The following GPHN variants were observed in gnomAD, a reference collection of about 807,000 sequenced individuals.
GPHN encodes gephyrin.
GPHN carries 17 observed loss-of-function variants against 95.5 expected under a neutral mutation model. The ratio of observed to expected loss-of-function variants is 0.18; its 90% confidence interval spans 0.12 to 0.27. GPHN has a LOEUF of 0.27. Among genes scored for constraint, GPHN ranks in the 10% least tolerant of loss-of-function variants. The probability of loss-of-function intolerance (pLI) is 1.00; values close to 1 mark genes in which losing one functional copy is unlikely to be tolerated. For missense variants in GPHN, 660 were observed against 978.1 expected (o/e 0.67, Z 4.34); for synonymous variants, 320 against 322.5 (o/e 0.99, Z 0.08).
At chr14:67,382,299 G>T in the GPHN span, 77 of 595,312 alleles carry the variant, frequency 1.3e-4, no homozygotes, top group Non-Finnish European at 2.0e-4. Context: ...TGCCAATTCT[G>T]TAGGACCCTA....
chr14:67,491,755 G>C, the GPHN span, among the ~76,000 whole-genome samples: 27 of 152,168 alleles, frequency 1.8e-4, no homozygotes, highest in African/African-American at 6.0e-4. Flanking sequence ...GAAAAGCCCT[G>C]AGCACAAATG....
chr14:67,185,637 G>C (rs115193410), downstream of GPHN, among the ~76,000 whole-genome samples: 1,493 of 152,046 alleles, frequency 9.8e-3, 16 homozygotes, highest in African/African-American at 0.03. Context: ...TCTATGTTTG[G>C]TTGTTTCAAA....
chr14:67,109,021 T>C (rs2078211133), intron 13 of GPHN, among the ~76,000 whole-genome samples: 1 of 152,118 alleles, frequency 6.6e-6, no homozygotes, highest in Non-Finnish European at 1.5e-5. Flanking sequence ...AGTAGCCCAC[T>C]ACACACCTAG....
chr14:67,690,811 T>C, the GPHN span: 2 of 369,088 alleles, frequency 5.4e-6, no homozygotes, highest in Non-Finnish European at 9.9e-6. Context: ...AGCAAGACCC[T>C]GTCTTTACAA....
chr14:67,432,364 C>T, the GPHN span, among the ~76,000 whole-genome samples: 7 of 152,216 alleles, frequency 4.6e-5, no homozygotes, highest in Admixed American at 2.6e-4. Flanking sequence ...CCTTGGCGAA[C>T]GAGCCCTGGT....
intron 12 of GPHN, among the ~76,000 whole-genome samples, chr14:67,094,489 C>T (rs898197586): frequency 2.0e-5 from 3 of 152,088 alleles, no homozygotes; most frequent in African/African-American, 7.2e-5. Flanking sequence ...ACAAGGGAAA[C>T]AATTCTAAAT....
chr14:67,232,892 C>A, the GPHN span, among the ~76,000 whole-genome samples: 8 of 152,140 alleles, frequency 5.3e-5, no homozygotes, highest in African/African-American at 1.2e-4. Flanking sequence ...GGCCATGAGG[C>A]CTGAAAGCTT....
intron 8 of GPHN, among the ~76,000 whole-genome samples, chr14:66,961,089 C>T (rs1007110381): frequency 1.3e-5 from 2 of 151,982 alleles, no homozygotes; most frequent in African/African-American, 2.4e-5. Flanking sequence ...GATATTTCAA[C>T]ACAAAAAAAC....
At chr14:67,348,247 T>C in the GPHN span, among the ~76,000 whole-genome samples, 2 of 151,830 alleles carry the variant, frequency 1.3e-5, no homozygotes, top group African/African-American at 4.8e-5. Flanking sequence ...GCTTATTTTG[T>C]ATTTTTAGTA....
At chr14:66,580,901 G>A (rs1436651076) in intron 1 of GPHN, among the ~76,000 whole-genome samples, 1 of 151,700 alleles carries the variant, frequency 6.6e-6, no homozygotes. Flanking sequence ...GATGAAGATA[G>A]ATGCAGAAAT....
At chr14:67,144,250 A>AAAT (rs1168342196) in intron 18 of GPHN, among the ~76,000 whole-genome samples, 167 of 57,756 alleles carry the variant, frequency 2.9e-3, no homozygotes, top group Non-Finnish European at 3.8e-3. Context: ...AAAAAAAAAA[A>AAAT]ATATATATAT....
chr14:67,193,002 A>ATATCAATATCTAGATATAGATATATCTC, the GPHN span, among the ~76,000 whole-genome samples: 133 of 146,112 alleles, frequency 9.1e-4, no homozygotes, highest in African/African-American at 1.8e-3. Context: ...ATATCTCTAT[A>ATATCAATATCTAGATATAGATATATCTC]TATCAATATC....
the GPHN span, among the ~76,000 whole-genome samples, chr14:67,200,883 C>T: frequency 2.6e-5 from 4 of 152,186 alleles, no homozygotes; most frequent in Admixed American, 6.5e-5. Flanking sequence ...ATAGGTCAGA[C>T]GTTGCCCCCA....
intron 1 of GPHN, among the ~76,000 whole-genome samples, chr14:66,622,909 C>T (rs1453715393): frequency 6.6e-6 from 1 of 152,154 alleles, no homozygotes; most frequent in Non-Finnish European, 1.5e-5. Context: ...CAAACTGTCC[C>T]AATCTCTGCC....
chr14:66,620,110 A>T (rs1318130508), intron 1 of GPHN, among the ~76,000 whole-genome samples: 2 of 152,136 alleles, frequency 1.3e-5, no homozygotes, highest in Admixed American at 6.6e-5. Flanking sequence ...CAAGCTGCCT[A>T]AATGGTTCTC....
intron 9 of GPHN, among the ~76,000 whole-genome samples, chr14:66,993,120 T>C (rs1162817165): frequency 3.3e-5 from 5 of 152,178 alleles, no homozygotes; most frequent in African/African-American, 2.4e-5. Context: ...TTTCTGAGGA[T>C]GGTTTCAGAT....
At chr14:66,666,426 T>A (rs1051265808) in intron 1 of GPHN, among the ~76,000 whole-genome samples, 82 of 151,286 alleles carry the variant, frequency 5.4e-4, no homozygotes, top group African/African-American at 1.9e-3. Flanking sequence ...AAAAAAAGCT[T>A]GTCCACCAGA....
At chr14:67,675,949 T>C in the GPHN span, among the ~76,000 whole-genome samples, 1 of 151,776 alleles carries the variant, frequency 6.6e-6, no homozygotes, top group Non-Finnish European at 1.5e-5. Context: ...ACACAAAAAT[T>C]AGCCAAGCGT....
chr14:67,386,704 T>G, the GPHN span, among the ~76,000 whole-genome samples: 1 of 152,230 alleles, frequency 6.6e-6, no homozygotes, highest in Non-Finnish European at 1.5e-5. Context: ...CCATTTTTCA[T>G]AGAAAAGCTA....
Sources: gnomAD v4.1 joint callset for allele counts (sites outside exome capture counted in the v4.1 genomes callset) on GRCh38, gnomAD v4.1.1 for gene constraint, MANE v1.5 for transcripts, NCBI Gene and HGNC (gene_info 2026-07-23, HGNC 2026-07-21) for gene names.